Variants in EBF2 observed in about 807,000 individuals in gnomAD.
The protein encoded by EBF2 is EBF transcription factor 2, also known as transcription factor COE2.
EBF2 carries 21 observed loss-of-function variants against 72.8 expected under a neutral mutation model. The ratio of observed to expected loss-of-function variants is 0.29; its 90% CI spans 0.20 to 0.42. The LOEUF is 0.42. Ranked by LOEUF, EBF2 falls within the 10% of genes least tolerant of loss-of-function variation. EBF2 has a pLI of 1.00. For missense variants in EBF2, 637 were observed against 731.2 expected (o/e 0.87, Z 1.49); for synonymous variants, 299 against 274.2 (o/e 1.09, Z -0.89).
chr8:25,938,157 A>G (rs1803609608), intron 6 of EBF2, among the ~76,000 whole-genome samples: 1 of 152,066 alleles, frequency 6.6e-6, no homozygotes, highest in Admixed American at 6.5e-5. Context: ...TGGACAGATG[A>G]ATTCCGTCAT....
intron 6 of EBF2, among the ~76,000 whole-genome samples, chr8:26,008,629 G>T (rs563049397): frequency 4.8e-4 from 73 of 152,162 alleles, no homozygotes; most frequent in African/African-American, 1.6e-3. Context: ...AAGAATTAAG[G>T]CTTCCCATTT....
At chr8:25,986,157 C>T (rs1804453347) in intron 6 of EBF2, among the ~76,000 whole-genome samples, 1 of 151,962 alleles carries the variant, frequency 6.6e-6, no homozygotes, top group Admixed American at 6.6e-5. Context: ...ATGGTTCTTG[C>T]CTTCTTGAAG....
chr8:25,933,785 TA>T (rs1451303661), intron 6 of EBF2, among the ~76,000 whole-genome samples: 2 of 152,174 alleles, frequency 1.3e-5, no homozygotes, highest in South Asian at 2.1e-4. Flanking sequence ...TAGTCTAGTA[TA>T]AAAAAATACG....
At chr8:26,007,463 AG>A (rs1804900768) in intron 6 of EBF2, among the ~76,000 whole-genome samples, 1 of 151,960 alleles carries the variant, frequency 6.6e-6, no homozygotes, top group African/African-American at 2.4e-5. Context: ...ATTTCATTTG[AG>A]TTTTTTTTTA....
chr8:25,947,649 C>T (rs1803793044), intron 6 of EBF2, among the ~76,000 whole-genome samples: 1 of 152,158 alleles, frequency 6.6e-6, no homozygotes, highest in African/African-American at 2.4e-5. Context: ...TTCTGCATAC[C>T]CTTAAGTGCA....
chr8:25,897,695 T>G (rs1802882160), intron 7 of EBF2, among the ~76,000 whole-genome samples: 1 of 152,224 alleles, frequency 6.6e-6, no homozygotes, highest in African/African-American at 2.4e-5. Flanking sequence ...AGGACATGAT[T>G]TCATTCTTTT....
At chr8:25,990,653 T>G (rs975561619) in intron 6 of EBF2, among the ~76,000 whole-genome samples, 1 of 152,196 alleles carries the variant, frequency 6.6e-6, no homozygotes, top group African/African-American at 2.4e-5. Flanking sequence ...AGCCCATGTC[T>G]TCTTAGATAC....
rs796910268 is a variant in EBF2 at position 25,940,635 on chromosome 8, A to G, written c.552-32080T>C. On this transcript the variant is annotated intron_variant, in intron 6 of 15. Transcript: ENST00000520164. ...AATGAAAAAATTAAAAAAAAAAATA[A>G]AAAAAAAACCACAAAACCAAGGCTT... 2.6e-5 allele frequency among the ~76,000 whole-genome samples: 4 copies of G among 151,794 alleles called. No individual in the cohort carries two copies. The South Asian group carries it at 8.4e-4, about 32-fold the overall frequency.
intron 6 of EBF2, among the ~76,000 whole-genome samples, chr8:25,967,706 C>T (rs894790012): frequency 6.6e-6 from 1 of 152,174 alleles, no homozygotes; most frequent in Non-Finnish European, 1.5e-5. Context: ...GACTAGTTTC[C>T]TTACTCTGTC....
chr8:25,923,416 C>T (rs1292420560), intron 6 of EBF2, among the ~76,000 whole-genome samples: 7 of 152,122 alleles, frequency 4.6e-5, no homozygotes, highest in Non-Finnish European at 8.8e-5. Flanking sequence ...AAATCAGGCC[C>T]GGTATTTTTG....
intron 6 of EBF2, among the ~76,000 whole-genome samples, chr8:25,964,319 A>C (rs1054327867): frequency 1.3e-5 from 2 of 152,222 alleles, no homozygotes; most frequent in Non-Finnish European, 2.9e-5. Flanking sequence ...GGCAAATTGC[A>C]CACAACCAAT....
At chr8:25,845,311 G>A (rs1282061929) in intron 15 of EBF2, among the ~76,000 whole-genome samples, 1 of 151,778 alleles carries the variant, frequency 6.6e-6, no homozygotes, top group Non-Finnish European at 1.5e-5. Flanking sequence ...TCAGCTCACT[G>A]CAACCTCCTG....
intron 6 of EBF2, among the ~76,000 whole-genome samples, chr8:25,920,718 T>C (rs78959492): frequency 2.0e-5 from 3 of 149,260 alleles, no homozygotes; most frequent in Non-Finnish European, 4.5e-5. Context: ...TTTTTTTTTT[T>C]CACCTAATAT....
chr8:25,870,321 T>C (rs941252830), intron 10 of EBF2, among the ~76,000 whole-genome samples: 50 of 152,118 alleles, frequency 3.3e-4, no homozygotes, highest in African/African-American at 1.2e-3. Context: ...AGGAAAATTA[T>C]TGATATGGGT....
intron 6 of EBF2, among the ~76,000 whole-genome samples, chr8:25,939,765 A>G (rs1226627046): frequency 1.3e-5 from 2 of 152,188 alleles, no homozygotes; most frequent in African/African-American, 4.8e-5. Context: ...ATAATTAACA[A>G]AGAGAGGAGT....
chr8:25,972,232 TCC>T (rs1030024474), intron 6 of EBF2, among the ~76,000 whole-genome samples: 1 of 151,858 alleles, frequency 6.6e-6, no homozygotes, highest in Non-Finnish European at 1.5e-5. Context: ...GATCACAAGG[TCC>T]CCTCCTTCGT....
intron 8 of EBF2, 104 bp downstream of exon 8, chr8:25,889,648 G>C (rs1802745570): frequency 1.1e-6 from 1 of 871,668 alleles, no homozygotes; most frequent in South Asian, 1.5e-5. Context: ...ACATTGTTCT[G>C]TGTACTTTCT....
At chr8:25,992,297 G>A (rs1174985129) in intron 6 of EBF2, among the ~76,000 whole-genome samples, 1 of 122,136 alleles carries the variant, frequency 8.2e-6, no homozygotes, top group Non-Finnish European at 1.6e-5. Context: ...TCGCGCCATT[G>A]CACTCCAGCC....
intron 2 of EBF2, chr8:26,041,401 C>T (rs1805598247): frequency 4.2e-6 from 1 of 237,832 alleles, no homozygotes; most frequent in Non-Finnish European, 8.3e-6. Flanking sequence ...GGAAAGGCAG[C>T]ATTCGGGCCT....
Sources: gnomAD v4.1 joint callset for allele counts (sites outside exome capture counted in the v4.1 genomes callset) on GRCh38, gnomAD v4.1.1 for gene constraint, MANE v1.5 for transcripts, NCBI Gene and HGNC (gene_info 2026-07-23, HGNC 2026-07-21) for gene names.